SOX11: variants seen among roughly 807,000 people sequenced by gnomAD.
SOX11 encodes the protein transcription factor SOX-11.
SOX11 carries 5 observed loss-of-function variants against 16.7 expected under a neutral mutation model. The ratio of observed to expected loss-of-function variants is 0.30; its 90% CI spans 0.16 to 0.63. The LOEUF (loss-of-function observed/expected upper bound fraction) is 0.63. Among genes scored for constraint, SOX11 ranks in the 20% least tolerant of loss-of-function variants. SOX11 has a pLI of 0.82. For missense variants in SOX11, 492 were observed against 641.5 expected, an observed-to-expected ratio of 0.77 and a Z score of 2.52; for synonymous variants, 363 against 298.8, an observed-to-expected ratio of 1.21 and a Z score of -2.22.
rs1433557989 is a variant in SOX11, at chr2:5,696,283, G to A, written c.*2236G>A. The A allele has an allele frequency of 6.0e-6, 1 of 167,836 alleles. No homozygotes were observed. The highest frequency in any genetic ancestry group is 1.5e-5 in the Non-Finnish European group (1 of 68,678). The allele number at this position is 167,836 out of a possible 1,614,324, so 10.4% of individuals were successfully genotyped here. The stretch of plus-strand genomic sequence containing the variant: ...GTGAAGGGGGAAGGGGAAGAGGAAA[G>A]GAGAGAAGTGGTCGGTGTCTGTTTC... On this transcript the variant is annotated 3_prime_UTR_variant, in exon 1 of 1. Coordinates refer to ENST00000322002, the MANE Select transcript of SOX11 (RefSeq NM_003108.4).
Position 5,700,636 on chromosome 2 carries a change from G to A in SOX11, c.*6589G>A, listed in dbSNP as rs935427456. ...TTTTACTCTTGTACATATGTTGTGG[G>A]TTTAAGAGTCTTTTGCATTTGTTCT... On this transcript the variant is annotated 3_prime_UTR_variant, in exon 1 of 1. Coordinates refer to ENST00000322002, the MANE Select transcript of SOX11 (RefSeq NM_003108.4). 6.0e-6 allele frequency: 1 copy of A among 166,966 alleles called. No homozygotes were observed. Among genetic ancestry groups the A allele is most frequent in the African/African-American group, 2.4e-5 (1 of 41,416 alleles). 10.3% of individuals were successfully genotyped at this position (166,966 alleles called of 1,614,324 possible).
At position 5,693,334 on chromosome 2, in the gene SOX11, G is replaced by C; in HGVS notation, c.613G>C (p.Val205Leu). Residue 205 changes from valine (V) to leucine (L), a missense_variant, in exon 1 of 1, where the codon GTG (valine) becomes CTG (leucine). Val to Leu is a conservative substitution (Grantham distance 32). Coordinates refer to ENST00000322002, the MANE Select transcript of SOX11 (RefSeq NM_003108.4). The surrounding 1 kb of genome is among the most constrained non-coding windows in gnomAD (Gnocchi z 8.6). Reference protein sequence around the residue: ...GDDYVLGSLRVSGSGGGGAGK... With the variant: ...GDDYVLGSLRLSGSGGGGAGK... Reference sequence around the variant, plus strand: ...CGACTACGTGCTGGGCAGCCTGCGCGTGAGCGGCTCGGGCGGCGGCGGCGC... The same window carrying C: ...CGACTACGTGCTGGGCAGCCTGCGCCTGAGCGGCTCGGGCGGCGGCGGCGC... 6.3e-7 allele frequency: 1 copy of C among 1,591,670 alleles called. No homozygotes were observed. The highest frequency in any genetic ancestry group is 8.5e-7 in the Non-Finnish European group (1 of 1,177,270).
rs955912422 is a variant in SOX11 at position 5,696,108 on chromosome 2, G to C, written c.*2061G>C. On this transcript the variant is annotated 3_prime_UTR_variant, in exon 1 of 1. Coordinates refer to ENST00000322002, the MANE Select transcript of SOX11 (RefSeq NM_003108.4). ...CAGCCGCCTTTGGCAGCGAGCGCTC[G>C]GGGCACTTCTATCCCCGCCTCTCAA... 6.0e-6 allele frequency: 1 copy of C among 166,890 alleles called. No homozygotes were observed. Among genetic ancestry groups the C allele is most frequent in the Admixed American group, 6.5e-5 (1 of 15,284 alleles). The allele number at this position is 166,890 out of a possible 1,614,324, so 10.3% of individuals were successfully genotyped here. A position where few individuals can be genotyped will look rare whatever the true frequency, so the allele number is the denominator to read the frequency against.
In SOX11 at chr2:5,693,087, A is replaced by G; in HGVS notation, c.366A>G (p.Lys122=). ...CCGACTACAAGTACCGGCCCCGGAA[A>G]AAGCCCAAAATGGACCCCTCGGCCA... ...DYPDYKYRPR[K]KPKMDPSAKP... Residue 122 remains lysine (K), a synonymous_variant, in exon 1 of 1, where the codon AAA becomes AAG. Coordinates refer to ENST00000322002, the MANE Select transcript of SOX11 (RefSeq NM_003108.4). The surrounding 1 kb of genome is among the most constrained non-coding windows in gnomAD (Gnocchi z 8.6). 2 of 1,613,926 alleles carry G rather than the reference A, an allele frequency of 1.2e-6. No individual in the cohort carries two copies. Among genetic ancestry groups the G allele is most frequent in the Non-Finnish European group, 1.7e-6 (2 of 1,179,984 alleles).
Position 5,693,264 on chromosome 2 carries a change from C to A in SOX11, c.543C>A (p.Gly181=). Residue 181 remains glycine (G), a synonymous_variant, in exon 1 of 1, where the codon GGC becomes GGA. Coordinates refer to ENST00000322002, the MANE Select transcript of SOX11 (RefSeq NM_003108.4). This position sits in a 1 kb window ranked among gnomAD's most constrained non-coding sequence, Gnocchi z 8.6. The stretch of plus-strand genomic sequence containing the variant: ...CCGCGGCCGCGGGCGCCAAGGCGGG[C>A]GCGGGCAAGGCGGCCCAGTCCGGGG... ...KAPAAAGAKA[G]AGKAAQSGDY... 1.5e-6 allele frequency: 2 copies of A among 1,379,172 alleles called. No individual in the cohort carries two copies. The highest frequency in any genetic ancestry group is 9.3e-7 in the Non-Finnish European group (1 of 1,078,610). The allele number at this position is 1,379,172 out of a possible 1,614,324, so 85.4% of individuals were successfully genotyped here.
Position 5,692,768 on chromosome 2 carries a change from G to A in SOX11, c.47G>A (p.Arg16Gln), listed in dbSNP as rs1411163388. 1.2e-6 allele frequency: 2 copies of A among 1,610,254 alleles called. No individual in the cohort carries two copies. Among genetic ancestry groups the A allele is most frequent in the Non-Finnish European group, 1.7e-6 (2 of 1,177,616 alleles). The change falls in exon 1 of 1, where the codon CGG (arginine) becomes CAG (glutamine). Residue 16 changes from arginine to glutamine, a missense_variant. By Grantham distance (43) the Arg-to-Gln change is conservative. Transcript: ENST00000322002. ...TTGGAAGCGGAGAGCAACCTGCCCC[G>A]GGAGGCGCTGGACACGGAGGAGGGC... ...ESLEAESNLP[R>Q]EALDTEEGEF...
chr2:5,698,543 C>T lies in SOX11; in HGVS notation c.*4496C>T, dbSNP rs762122782. On this transcript the variant is annotated 3_prime_UTR_variant, in exon 1 of 1. Transcript: ENST00000322002. ...AGTTCTTACACTCTGATACGCATCCCTTTTATTTAAAAAAAAAAAAAATGC... is the reference window on the plus strand; with the variant it reads ...AGTTCTTACACTCTGATACGCATCCTTTTTATTTAAAAAAAAAAAAAATGC... 2 of 136,098 alleles carry T rather than the reference C, an allele frequency of 1.5e-5. No individual in the cohort carries two copies. The highest frequency in any genetic ancestry group is 3.5e-5 in the Non-Finnish European group (2 of 57,754). The allele number at this position is 136,098 out of a possible 1,614,324, so 8.4% of individuals were successfully genotyped here. A position where few individuals can be genotyped will look rare whatever the true frequency, so the allele number is the denominator to read the frequency against.
chr2:5,693,079 C>A lies in SOX11; in HGVS notation c.358C>A (p.Pro120Thr), dbSNP rs757949814. Reference sequence around the variant, plus strand: ...CGACTACCCCGACTACAAGTACCGGCCCCGGAAAAAGCCCAAAATGGACCC... The same window carrying A: ...CGACTACCCCGACTACAAGTACCGGACCCGGAAAAAGCCCAAAATGGACCC... ...MADYPDYKYRPRKKPKMDPSA... is the reference protein window; with the variant it reads ...MADYPDYKYRTRKKPKMDPSA... Residue 120 changes from proline (P) to threonine (T), a missense_variant, in exon 1 of 1, where the codon CCC becomes ACC. This residue lies in a region of SOX11 where 28 missense variants were observed against 125.6 expected (regional missense o/e 0.22). Transcript: ENST00000322002. This position sits in a 1 kb window ranked among gnomAD's most constrained non-coding sequence, Gnocchi z 8.6. 1 of 1,614,002 alleles carries A rather than the reference C, an allele frequency of 6.2e-7. No homozygotes were observed. Among genetic ancestry groups the A allele is most frequent in the Non-Finnish European group, 8.5e-7 (1 of 1,180,002 alleles).
At position 5,693,313 on chromosome 2, in the gene SOX11, T is replaced by C; in HGVS notation, c.592T>C (p.Tyr198His). The C allele has an allele frequency of 6.4e-7, 1 of 1,569,490 alleles. No individual in the cohort carries two copies. Among genetic ancestry groups the C allele is most frequent in the Non-Finnish European group, 8.6e-7 (1 of 1,167,366 alleles). The change falls in exon 1 of 1, where the codon TAC (tyrosine) becomes CAC (histidine). Residue 198 changes from tyrosine (Y) to histidine (H), a missense_variant. Tyr to His is a moderately conservative substitution (Grantham distance 83, BLOSUM62 2). Around this residue, in one of 4 missense-constraint regions of SOX11, gnomAD observed 389 missense variants for 389.0 expected, o/e 1.00. Transcript: ENST00000322002. This position sits in a 1 kb window ranked among gnomAD's most constrained non-coding sequence, Gnocchi z 8.6. The stretch of plus-strand genomic sequence containing the variant: ...GGACTACGGGGGCGCGGGCGACGAC[T>C]ACGTGCTGGGCAGCCTGCGCGTGAG... ...SGDYGGAGDD[Y>H]VLGSLRVSGS...
rs748803674 is a variant in SOX11, at chr2:5,692,751, G to C, written c.30G>C (p.Ala10=). The C allele has an allele frequency of 5.0e-6, 8 of 1,603,972 alleles. No homozygotes were observed. Among genetic ancestry groups the C allele is most frequent in the Non-Finnish European group, 6.8e-6 (8 of 1,173,774 alleles). The change falls in exon 1 of 1, where the codon GCG becomes GCC. Residue 10 remains alanine (A), a synonymous_variant. Transcript: ENST00000322002. ...TGCAGCAGGCGGAGAGCTTGGAAGCGGAGAGCAACCTGCCCCGGGAGGCGC... is the reference window on the plus strand; with the variant it reads ...TGCAGCAGGCGGAGAGCTTGGAAGCCGAGAGCAACCTGCCCCGGGAGGCGC... MVQQAESLE[A]ESNLPREALD... is the part of the protein sequence containing the mutation.
Position 5,693,494 on chromosome 2 carries a change from C to A in SOX11, c.773C>A (p.Pro258Gln), listed in dbSNP as rs868349180. ...EEPPHQQLLQ[P>Q]PGQQPSQLLR... Reference sequence around the variant, plus strand: ...CCACCGCACCAGCAGCTCCTGCAGCCGCCGGGGCAGCAGCCGTCGCAGCTG... The same window carrying A: ...CCACCGCACCAGCAGCTCCTGCAGCAGCCGGGGCAGCAGCCGTCGCAGCTG... The change falls in exon 1 of 1, where the codon CCG becomes CAG. Residue 258 changes from proline (P) to glutamine (Q), a missense_variant. Around this residue, in one of 4 missense-constraint regions of SOX11, gnomAD observed 389 missense variants for 389.0 expected, o/e 1.00. Coordinates refer to ENST00000322002, the MANE Select transcript of SOX11 (RefSeq NM_003108.4). The surrounding 1 kb of genome is among the most constrained non-coding windows in gnomAD (Gnocchi z 8.6). 6.3e-7 allele frequency: 1 copy of A among 1,581,084 alleles called. No individual in the cohort carries two copies. The highest frequency in any genetic ancestry group is 1.3e-5 in the African/African-American group (1 of 74,754).
In SOX11 at chr2:5,700,582, C is replaced by A. The variant is rs2103282156; in HGVS notation, c.*6535C>A. 1 of 167,172 alleles carries A rather than the reference C, an allele frequency of 6.0e-6. No individual in the cohort carries two copies. The highest frequency in any genetic ancestry group is 1.5e-5 in the Non-Finnish European group (1 of 68,102). 10.4% of individuals were successfully genotyped at this position (167,172 alleles called of 1,614,324 possible). ...TCACATAGGGAGAAACGTTATACTC[C>A]ATTCTCATTAATTTCCCATTTTGTC... On this transcript the variant is annotated 3_prime_UTR_variant, in exon 1 of 1. Coordinates refer to ENST00000322002, the MANE Select transcript of SOX11 (RefSeq NM_003108.4).
In SOX11 at chr2:5,700,437, A is replaced by T. The variant is rs1665816234; in HGVS notation, c.*6390A>T. Reference sequence around the variant, plus strand: ...TCCCCTTCCAAAAAAAAAAAAAAGGACAACTGGAAGTAATTTATCATATAA... The same window carrying T: ...TCCCCTTCCAAAAAAAAAAAAAAGGTCAACTGGAAGTAATTTATCATATAA... On this transcript the variant is annotated 3_prime_UTR_variant, in exon 1 of 1. Transcript: ENST00000322002. 6.1e-6 allele frequency: 1 copy of T among 163,526 alleles called. No individual in the cohort carries two copies. The highest frequency in any genetic ancestry group is 1.5e-5 in the Non-Finnish European group (1 of 67,462). The allele number at this position is 163,526 out of a possible 1,614,324, so 10.1% of individuals were successfully genotyped here. A position where few individuals can be genotyped will look rare whatever the true frequency, so the allele number is the denominator to read the frequency against.
Position 5,695,813 on chromosome 2 carries a change from C to G in SOX11, c.*1766C>G, listed in dbSNP as rs905160744. The G allele has an allele frequency of 1.2e-5, 2 of 167,206 alleles. No homozygotes were observed. Among genetic ancestry groups the G allele is most frequent in the Non-Finnish European group, 2.9e-5 (2 of 68,170 alleles). 10.4% of individuals were successfully genotyped at this position (167,206 alleles called of 1,614,324 possible). ...AGCAGGCTGATTTCTTTTTCCTCTT[C>G]CGCTAGTTGTGAAAGACAGGGGAAG... On this transcript the variant is annotated 3_prime_UTR_variant, in exon 1 of 1. Transcript: ENST00000322002.
chr2:5,699,118 A>G lies in SOX11; in HGVS notation c.*5071A>G. On this transcript the variant is annotated 3_prime_UTR_variant, in exon 1 of 1. Transcript: ENST00000322002. ...TTTTCTTGGACTCTCCCATTTATAG[A>G]ATCTTTATACTCTTTTACTGTGTGG... 1 of 166,948 alleles carries G rather than the reference A, an allele frequency of 6.0e-6. No individual in the cohort carries two copies. Among genetic ancestry groups the G allele is most frequent in the South Asian group, 2.1e-4 (1 of 4,820 alleles). 10.3% of individuals were successfully genotyped at this position (166,948 alleles called of 1,614,324 possible).
chr2:5,692,530 C>A lies in SOX11; in HGVS notation c.-192C>A. On this transcript the variant is annotated 5_prime_UTR_variant, in exon 1 of 1. Transcript: ENST00000322002. ...CCGCAGCTCCCACCGCGCCGGCGGC[C>A]GTCGTCGCCGAAGCCACCACAGCCG... 1 of 463,634 alleles carries A rather than the reference C, an allele frequency of 2.2e-6. No homozygotes were observed. The allele number at this position is 463,634 out of a possible 1,614,324, so 28.7% of individuals were successfully genotyped here. A position where few individuals can be genotyped will look rare whatever the true frequency, so the allele number is the denominator to read the frequency against.
Position 5,694,282 on chromosome 2 carries a change from T to C in SOX11, c.*235T>C, listed in dbSNP as rs1373036520. ...GGTGGAGTTAAAGTGAAATGAGTAG[T>C]TTTTAAACATTTTTCCTGTCCTTTT... On this transcript the variant is annotated 3_prime_UTR_variant, in exon 1 of 1. Transcript: ENST00000322002. The C allele has an allele frequency of 1.7e-5, 9 of 518,106 alleles. No homozygotes were observed. 32.1% of individuals were successfully genotyped at this position (518,106 alleles called of 1,614,324 possible).
At position 5,695,928 on chromosome 2, in the gene SOX11, C is replaced by G. The variant is rs1390932194; in HGVS notation, c.*1881C>G. On this transcript the variant is annotated 3_prime_UTR_variant, in exon 1 of 1. Transcript: ENST00000322002. ...TCCACTCCCTGCCTCTTCTCCCCAC[C>G]CATCCTGGCGGGCGGGCTGCGCGGA... The G allele has an allele frequency of 1.2e-5, 2 of 167,436 alleles. No individual in the cohort carries two copies. Among genetic ancestry groups the G allele is most frequent in the Non-Finnish European group, 2.9e-5 (2 of 68,360 alleles). 10.4% of individuals were successfully genotyped at this position (167,436 alleles called of 1,614,324 possible). A position where few individuals can be genotyped will look rare whatever the true frequency, so the allele number is the denominator to read the frequency against.
Position 5,699,599 on chromosome 2 carries a change from T to C in SOX11, c.*5552T>C, listed in dbSNP as rs991915811. 1 of 166,926 alleles carries C rather than the reference T, an allele frequency of 6.0e-6. No homozygotes were observed. The highest frequency in any genetic ancestry group is 1.5e-5 in the Non-Finnish European group (1 of 68,126). The allele number at this position is 166,926 out of a possible 1,614,324, so 10.3% of individuals were successfully genotyped here. A position where few individuals can be genotyped will look rare whatever the true frequency, so the allele number is the denominator to read the frequency against. On this transcript the variant is annotated 3_prime_UTR_variant, in exon 1 of 1. Transcript: ENST00000322002. ...TCTTTGATAACAACTCAGGATTTTT[T>C]TGTTCAGTTTTGGTTTTTGCCCCTT...
Sources: allele counts gnomAD v4.1 joint callset, GRCh38; gene constraint gnomAD v4.1.1; regional missense constraint gnomAD v4.1.1; non-coding constraint Gnocchi (gnomAD v3.1); transcripts MANE v1.5; gene names NCBI Gene and HGNC (gene_info 2026-07-23, HGNC 2026-07-21).